The following MAX variants were observed in gnomAD, a reference collection of about 807,000 sequenced individuals.
MAX encodes the protein MYC associated transcriptional regulator X.
A neutral mutation model predicts 22.3 loss-of-function variants in MAX; 3 were observed. The ratio of observed to expected loss-of-function variants is 0.13; its 90% confidence interval spans 0.06 to 0.35. The LOEUF (loss-of-function observed/expected upper bound fraction) is 0.35. Ranked by LOEUF, MAX falls within the 10% of genes least tolerant of loss-of-function variation. The probability of loss-of-function intolerance (pLI) is 1.00; values close to 1 mark genes in which losing one functional copy is unlikely to be tolerated. For missense variants in MAX, 119 were observed against 209.4 expected (o/e 0.57, Z 2.66); for synonymous variants, 72 against 77.7 (o/e 0.93, Z 0.39).
chr14:65,079,745 A>T lies in MAX; in HGVS notation c.172-1709T>A, dbSNP rs1264517648. On this transcript the variant is annotated intron_variant, in intron 3 of 4. Coordinates refer to ENST00000358664, the MANE Select transcript of MAX (RefSeq NM_002382.5). The surrounding 1 kb of genome is among the most constrained non-coding windows in gnomAD (Gnocchi z 4.5). ...AGCAAAACCAGATCTACTCATATTA[A>T]ATCCTAACAATCTCAATTTATAGGC... Among the ~76,000 whole-genome samples, 1 of 152,230 alleles carries T rather than the reference A, an allele frequency of 6.6e-6. No individual in the cohort carries two copies. The highest frequency in any genetic ancestry group is 2.4e-5 in the African/African-American group (1 of 41,468).
chr14:65,076,792 G>C lies in MAX; in HGVS notation c.296-129C>G. On this transcript the variant is annotated intron_variant, in intron 4 of 4. Transcript: ENST00000358664. The surrounding 1 kb of genome is among the most constrained non-coding windows in gnomAD (Gnocchi z 6.6). ...TGGCCCCCGAGGCTCAAGATGCTCA[G>C]AAGTAGCTCCCTTCGGGTGGCTGTT... The C allele has an allele frequency of 9.6e-7, 1 of 1,043,766 alleles. No individual in the cohort carries two copies. The highest frequency in any genetic ancestry group is 1.3e-5 in the South Asian group (1 of 77,368). 64.7% of individuals were successfully genotyped at this position (1,043,766 alleles called of 1,614,324 possible). A position where few individuals can be genotyped will look rare whatever the true frequency, so the allele number is the denominator to read the frequency against.
At position 65,084,353 on chromosome 14, in the gene MAX, A is replaced by G; in HGVS notation, c.172-6317T>C. 1 of 1,124,638 alleles carries G rather than the reference A, an allele frequency of 8.9e-7. No homozygotes were observed. Among genetic ancestry groups the G allele is most frequent in the Non-Finnish European group, 1.3e-6 (1 of 741,656 alleles). The allele number at this position is 1,124,638 out of a possible 1,614,324, so 69.7% of individuals were successfully genotyped here. A position where few individuals can be genotyped will look rare whatever the true frequency, so the allele number is the denominator to read the frequency against. On this transcript the variant is annotated intron_variant, in intron 3 of 4. Transcript: ENST00000358664. This position sits in a 1 kb window ranked among gnomAD's most constrained non-coding sequence, Gnocchi z 4.3. ...TAATTTCACAAGTAATAAATAGAAT[A>G]CAAAATTACTAACTTTTGTTTACTG...
chr14:65,056,925 T>TG (rs1156472329), intron 3 of MAX, among the ~76,000 whole-genome samples: 3 of 152,220 alleles, frequency 2.0e-5, no homozygotes, highest in Admixed American at 6.5e-5. Context: ...TGGCAAGGGT[T>TG]GTGCTGCATT....
At position 65,011,453 on chromosome 14, in the gene MAX, G is replaced by T. The variant is rs201721177; in HGVS notation, c.172-5169C>A. Among the ~76,000 whole-genome samples, 139 of 130,644 alleles carry T rather than the reference G, an allele frequency of 1.1e-3. 1 individual carries two copies. Among genetic ancestry groups the T allele is most frequent in the Middle Eastern group, 7.6e-3 (2 of 264 alleles). The allele number at this position is 130,644 out of a possible 152,430, so 85.7% of individuals were successfully genotyped here. On this transcript the variant is annotated intron_variant, in intron 3 of 3. Coordinates refer to the MAX transcript ENST00000341653. The surrounding 1 kb of genome is among the most constrained non-coding windows in gnomAD (Gnocchi z 4.0). ...CAGGAAAAAAAAAAAAAAAAAAAAAGACTGCATGAAGGCTCTTACTCTGAG... is the reference window on the plus strand; with the variant it reads ...CAGGAAAAAAAAAAAAAAAAAAAAATACTGCATGAAGGCTCTTACTCTGAG...
At chr14:65,074,347 T>C (rs1036197142), downstream of MAX, among the ~76,000 whole-genome samples, 1 of 152,228 alleles carries the variant, frequency 6.6e-6, no homozygotes, top group East Asian at 1.9e-4. Flanking sequence ...CTTAATGTAA[T>C]CATGGCCTTT....
chr14:65,027,742 G>T lies in MAX; in HGVS notation c.172-21458C>A. 1 of 1,614,158 alleles carries T rather than the reference G, an allele frequency of 6.2e-7. No homozygotes were observed. Among genetic ancestry groups the T allele is most frequent in the Non-Finnish European group, 8.5e-7 (1 of 1,180,044 alleles). Reference sequence around the variant, plus strand: ...TTGTACTCCCTGAAGCAACCTGACGGCTCCTTTCTCATGCATGTCGGAGGT... The same window carrying T: ...TTGTACTCCCTGAAGCAACCTGACGTCTCCTTTCTCATGCATGTCGGAGGT... On this transcript the variant is annotated intron_variant, in intron 3 of 3. Transcript: ENST00000341653. The surrounding 1 kb of genome is among the most constrained non-coding windows in gnomAD (Gnocchi z 5.7).
At chr14:65,081,661 T>A (rs193177057) in intron 3 of MAX, among the ~76,000 whole-genome samples, 3 of 152,354 alleles carry the variant, frequency 2.0e-5, no homozygotes, top group Admixed American at 2.0e-4. Flanking sequence ...AGTCAACATG[T>A]CCACAGAGCA....
chr14:65,044,273 T>C lies in MAX; in HGVS notation c.172-37989A>G, dbSNP rs1176201571. On this transcript the variant is annotated intron_variant, in intron 3 of 3. Transcript: ENST00000341653. The surrounding 1 kb of genome is among the most constrained non-coding windows in gnomAD (Gnocchi z 5.5). ...TCTGTCGGGCTGGATTTTGTCTCTT[T>C]TAGCCTACAACTGCCTTTCCCATCT... The C allele has an allele frequency of 5.0e-6, 8 of 1,610,034 alleles. No individual in the cohort carries two copies. The highest frequency in any genetic ancestry group is 6.8e-6 in the Non-Finnish European group (8 of 1,178,388).
downstream of MAX, among the ~76,000 whole-genome samples, chr14:65,071,435 C>T (rs907741511): frequency 2.0e-5 from 3 of 152,314 alleles, no homozygotes; most frequent in South Asian, 2.1e-4. The surrounding 1 kb of genome is among the most constrained non-coding windows in gnomAD (Gnocchi z 4.2). Flanking sequence ...TGAGCCTCTG[C>T]GCCCAGCTTC....
chr14:65,066,642 G>C (rs960985263), intron 3 of MAX, among the ~76,000 whole-genome samples: 1 of 151,086 alleles, frequency 6.6e-6, no homozygotes, highest in African/African-American at 2.4e-5. Context: ...ATCACCTAAG[G>C]TTGGGAGTTC....
chr14:65,076,744 G>C lies in MAX; in HGVS notation c.296-81C>G. 6.4e-7 allele frequency: 1 copy of C among 1,558,526 alleles called. No homozygotes were observed. The highest frequency in any genetic ancestry group is 8.8e-7 in the Non-Finnish European group (1 of 1,130,060). On this transcript the variant is annotated intron_variant, in intron 4 of 4. Transcript: ENST00000358664. This position sits in a 1 kb window ranked among gnomAD's most constrained non-coding sequence, Gnocchi z 6.6. Reference sequence around the variant, plus strand: ...GAGTCTCAGACTCAGGGTCCAGCCTGTTCTTCCTAAGGGCTTGCTTGTTGG... The same window carrying C: ...GAGTCTCAGACTCAGGGTCCAGCCTCTTCTTCCTAAGGGCTTGCTTGTTGG...
rs1182220088 is a variant in MAX, at chr14:65,023,147, T to TCC, written c.172-16865_172-16864dup. Among the ~76,000 whole-genome samples the TCC allele has an allele frequency of 1.3e-5, 2 of 152,176 alleles. No individual in the cohort carries two copies. The highest frequency in any genetic ancestry group is 2.9e-5 in the Non-Finnish European group (2 of 68,028). ...ATCACAGCTCACTGCAACCTGGACT[T>TCC]CCCCAAGCTCAAGTGATCCTCCCAC... On this transcript the variant is annotated intron_variant, in intron 3 of 3. Transcript: ENST00000341653. This position sits in a 1 kb window ranked among gnomAD's most constrained non-coding sequence, Gnocchi z 4.1.
intron 3 of MAX, among the ~76,000 whole-genome samples, chr14:65,056,923 G>A (rs2062749399): frequency 6.6e-6 from 1 of 152,192 alleles, no homozygotes; most frequent in South Asian, 2.1e-4. Context: ...TCTGGCAAGG[G>A]TTGTGCTGCA....
rs1027536745 is a variant in MAX, at chr14:65,031,026, T to C, written c.172-24742A>G. Among the ~76,000 whole-genome samples, 1 of 152,034 alleles carries C rather than the reference T, an allele frequency of 6.6e-6. No individual in the cohort carries two copies. The highest frequency in any genetic ancestry group is 1.5e-5 in the Non-Finnish European group (1 of 67,994). On this transcript the variant is annotated intron_variant, in intron 3 of 3. Transcript: ENST00000341653. This position sits in a 1 kb window ranked among gnomAD's most constrained non-coding sequence, Gnocchi z 4.6. Reference sequence around the variant, plus strand: ...TCTCACCATGTTGGCCAGGCTAGTCTCGAACTCCTGACCTCAAATAATCCA... The same window carrying C: ...TCTCACCATGTTGGCCAGGCTAGTCCCGAACTCCTGACCTCAAATAATCCA...
intron 3 of MAX, among the ~76,000 whole-genome samples, chr14:65,055,154 T>C (rs116778467): frequency 1.3e-5 from 2 of 152,312 alleles, no homozygotes; most frequent in African/African-American, 2.4e-5. Flanking sequence ...CTTGTTCATA[T>C]TCTTTGTAGT....
rs2063554343 is a variant in MAX at position 65,093,044 on chromosome 14, T to G, written c.171+664A>C. 6.6e-6 allele frequency among the ~76,000 whole-genome samples: 1 copy of G among 152,214 alleles called. No homozygotes were observed. Among genetic ancestry groups the G allele is most frequent in the Admixed American group, 6.5e-5 (1 of 15,286 alleles). Reference sequence around the variant, plus strand: ...TAACCCATAGGCTTTTACTCAAAGCTTCTAATTTTGTTTTTCAAATGTAGA... The same window carrying G: ...TAACCCATAGGCTTTTACTCAAAGCGTCTAATTTTGTTTTTCAAATGTAGA... On this transcript the variant is annotated intron_variant, in intron 3 of 4. Coordinates refer to ENST00000358664, the MANE Select transcript of MAX (RefSeq NM_002382.5). The surrounding 1 kb of genome is among the most constrained non-coding windows in gnomAD (Gnocchi z 4.4).
downstream of MAX, among the ~76,000 whole-genome samples, chr14:65,074,347 T>A (rs1036197142): frequency 3.3e-5 from 5 of 152,228 alleles, no homozygotes; most frequent in African/African-American, 1.2e-4. Context: ...CTTAATGTAA[T>A]CATGGCCTTT....
At chr14:65,071,601 C>T (rs1255486467), downstream of MAX, among the ~76,000 whole-genome samples, 2 of 152,258 alleles carry the variant, frequency 1.3e-5, no homozygotes, top group Admixed American at 1.3e-4. This position sits in a 1 kb window ranked among gnomAD's most constrained non-coding sequence, Gnocchi z 4.2. Context: ...GCACTTGGTG[C>T]TATTATTGTC....
chr14:65,053,277 A>G, intron 3 of MAX: 1 of 1,463,692 alleles, frequency 6.8e-7, no homozygotes, highest in Non-Finnish European at 9.1e-7. Flanking sequence ...ATGTTCCATC[A>G]GCAGGCCCTG....
Sources: allele counts gnomAD v4.1 joint callset (sites outside exome capture counted in the v4.1 genomes callset), GRCh38; gene constraint gnomAD v4.1.1; non-coding constraint Gnocchi (gnomAD v3.1); transcripts MANE v1.5; gene names NCBI Gene and HGNC (gene_info 2026-07-23, HGNC 2026-07-21).